The following ITPR2 variants were observed in gnomAD, a reference collection of about 807,000 sequenced individuals.
ITPR2 encodes the protein inositol 1,4,5-trisphosphate-gated calcium channel ITPR2.
Under a neutral mutation model 317.1 loss-of-function variants are expected in ITPR2, and 207 were observed. The ratio of observed to expected loss-of-function variants is 0.65; its 90% confidence interval spans 0.58 to 0.73. ITPR2 has a LOEUF of 0.73. ITPR2 is among the 30% of genes least tolerant of loss of function. ITPR2 has a pLI of 0.00. For synonymous variants in ITPR2, 1,156 were observed against 1,149.1 expected (o/e 1.01, Z -0.12); for missense variants, 2,613 against 3,284.0 (o/e 0.80, Z 4.99).
chr12:26,631,377 T>A (rs565934324), intron 22 of ITPR2, among the ~76,000 whole-genome samples: 1 of 152,300 alleles, frequency 6.6e-6, no homozygotes, highest in South Asian at 2.1e-4. Context: ...TTGTCACATA[T>A]AAAATACCAA....
At chr12:26,462,571 T>A (rs1200617718) in intron 45 of ITPR2, among the ~76,000 whole-genome samples, 6 of 152,144 alleles carry the variant, frequency 3.9e-5, no homozygotes, top group Non-Finnish European at 8.8e-5. Context: ...ATTGACTAAA[T>A]GAGAATTAGT....
At chr12:26,629,264 T>G (rs1275981739) in intron 22 of ITPR2, among the ~76,000 whole-genome samples, 1 of 152,158 alleles carries the variant, frequency 6.6e-6, no homozygotes, top group Non-Finnish European at 1.5e-5. Flanking sequence ...ACTTTGAATA[T>G]TCTCCTCCAC....
intron 34 of ITPR2, among the ~76,000 whole-genome samples, chr12:26,575,133 G>A (rs1048167058): frequency 2.0e-5 from 3 of 149,020 alleles, no homozygotes; most frequent in African/African-American, 7.5e-5. Context: ...GAAAGATGCT[G>A]AGGAGTGGCA....
chr12:26,658,725 G>C lies in ITPR2; in HGVS notation c.1886+388C>G, dbSNP rs1352140068. 2.0e-5 allele frequency among the ~76,000 whole-genome samples: 3 copies of C among 152,162 alleles called. No homozygotes were observed. The South Asian group carries it at 6.2e-4, about 32-fold the overall frequency. ...TTTACCTCGTATTCTATTCCTATCA[G>C]GGTACGCTTGGGCAAGTTGCTCACT... On this transcript the variant is annotated intron_variant, in intron 16 of 56. Transcript: ENST00000381340.
At chr12:26,552,829 T>C (rs1381112752) in intron 36 of ITPR2, among the ~76,000 whole-genome samples, 1 of 152,224 alleles carries the variant, frequency 6.6e-6, no homozygotes, top group Non-Finnish European at 1.5e-5. Flanking sequence ...TTTTTCGCTC[T>C]CTCAGGCTAA....
intron 21 of ITPR2, among the ~76,000 whole-genome samples, chr12:26,641,135 T>C (rs568566313): frequency 1.3e-5 from 2 of 152,270 alleles, no homozygotes; most frequent in South Asian, 4.1e-4. Flanking sequence ...AGAGGAATAC[T>C]TAGCTTCAAG....
chr12:26,357,673 T>C (rs1938684993), intron 55 of ITPR2, among the ~76,000 whole-genome samples: 1 of 152,228 alleles, frequency 6.6e-6, no homozygotes, highest in Non-Finnish European at 1.5e-5. Flanking sequence ...GGCAGTATTG[T>C]TGGAGATCAT....
intron 31 of ITPR2, among the ~76,000 whole-genome samples, chr12:26,595,880 T>A (rs1945830354): frequency 6.6e-6 from 1 of 151,994 alleles, no homozygotes; most frequent in Non-Finnish European, 1.5e-5. Flanking sequence ...AAAAGCAACC[T>A]CTCCTTCCTC....
intron 55 of ITPR2, among the ~76,000 whole-genome samples, chr12:26,352,100 G>A (rs768963956): frequency 3.9e-5 from 6 of 152,206 alleles, no homozygotes; most frequent in Non-Finnish European, 5.9e-5. Context: ...CCTGATGGAA[G>A]GTTGGGTCCA....
intron 13 of ITPR2, among the ~76,000 whole-genome samples, chr12:26,677,229 C>T (rs1947928055): frequency 6.6e-6 from 1 of 152,076 alleles, no homozygotes. Context: ...AAACAAGCTA[C>T]ACTAAAGAAA....
Position 26,439,133 on chromosome 12 carries a change from T to C in ITPR2, c.6637A>G (p.Ile2213Val). 1 of 1,604,056 alleles carries C rather than the reference T, an allele frequency of 6.2e-7. No individual in the cohort carries two copies. The highest frequency in any genetic ancestry group is 8.5e-7 in the Non-Finnish European group (1 of 1,174,232). ...TTCAGTTTACTGTACTTACTCCTGA[T>C]TTTCTTCTGCCACTTCATTTCATTG... The part of the protein sequence containing the change: ...LYNEMKWQKK[I>V]RNNPALFWFS... The change falls in exon 47 of 57, where the codon ATC becomes GTC. Residue 2213 changes from isoleucine to valine, a missense_variant. Physicochemically the swap from Ile to Val is conservative, Grantham distance 29. Transcript: ENST00000381340.
At chr12:26,808,069 T>G (rs951252582) in intron 1 of ITPR2, among the ~76,000 whole-genome samples, 7 of 152,186 alleles carry the variant, frequency 4.6e-5, no homozygotes, top group Admixed American at 3.9e-4. Context: ...AGGTTCTACT[T>G]CCTTCTAAAA....
At chr12:26,771,163 C>A (rs7965103) in intron 2 of ITPR2, among the ~76,000 whole-genome samples, 8,477 of 152,202 alleles carry the variant, frequency 0.056, 317 homozygotes, top group Middle Eastern at 0.12. Context: ...AGTGCCCAGA[C>A]GTTATATAAA....
chr12:26,789,884 C>T (rs1260186010), intron 2 of ITPR2, among the ~76,000 whole-genome samples: 2 of 152,200 alleles, frequency 1.3e-5, no homozygotes, highest in African/African-American at 4.8e-5. Context: ...CATTTACTGG[C>T]TTGACAAGTA....
At chr12:26,701,625 C>A (rs1435811739) in intron 9 of ITPR2, among the ~76,000 whole-genome samples, 1 of 152,068 alleles carries the variant, frequency 6.6e-6, no homozygotes, top group Non-Finnish European at 1.5e-5. Flanking sequence ...ACAAACCAGG[C>A]CCTTTTCACA....
chr12:26,784,376 T>G (rs1194410669), intron 2 of ITPR2, among the ~76,000 whole-genome samples: 1 of 120,670 alleles, frequency 8.3e-6, no homozygotes, highest in African/African-American at 3.0e-5. Context: ...CACGGTCTCC[T>G]TCCACGGTCT....
intron 34 of ITPR2, among the ~76,000 whole-genome samples, chr12:26,564,554 A>T (rs1186492544): frequency 4.6e-5 from 7 of 152,208 alleles, no homozygotes; most frequent in Admixed American, 4.6e-4. Flanking sequence ...AGATGTAATC[A>T]CGTTAAGTTG....
intron 2 of ITPR2, among the ~76,000 whole-genome samples, chr12:26,777,807 A>G (rs1950002523): frequency 1.3e-5 from 2 of 152,166 alleles, no homozygotes; most frequent in South Asian, 4.1e-4. Context: ...ACCCCACTAC[A>G]CTACTGACAA....
chr12:26,636,328 A>G (rs957462230), intron 21 of ITPR2, among the ~76,000 whole-genome samples: 1 of 152,138 alleles, frequency 6.6e-6, no homozygotes, highest in East Asian at 1.9e-4. Context: ...ATCATATCAT[A>G]TATTTGTCTG....
Sources: gnomAD v4.1 joint callset for allele counts (sites outside exome capture counted in the v4.1 genomes callset) on GRCh38, gnomAD v4.1.1 for gene constraint, MANE v1.5 for transcripts, NCBI Gene and HGNC (gene_info 2026-07-23, HGNC 2026-07-21) for gene names.